The following C8orf34 variants were observed in gnomAD, a reference collection of about 807,000 sequenced individuals.
C8orf34 encodes the protein uncharacterized protein C8orf34.
C8orf34 carries 65 observed loss-of-function variants against 68.3 expected under a neutral mutation model. The ratio of observed to expected loss-of-function variants is 0.95; its 90% CI spans 0.78 to 1.17. The LOEUF (loss-of-function observed/expected upper bound fraction) is 1.17, where lower values mean the gene tolerates loss of function less well. Ranked by LOEUF, C8orf34 falls within the 50% of genes most tolerant of loss-of-function variation. The pLI, the probability that C8orf34 is intolerant of heterozygous loss-of-function variation, is 0.00. For missense variants in C8orf34, 664 were observed against 655.4 expected (o/e 1.01, Z -0.14); for synonymous variants, 244 against 241.2 (o/e 1.01, Z -0.11).
chr8:68,448,354 T>TA (rs201672592), intron 3 of C8orf34, among the ~76,000 whole-genome samples: 7,283 of 152,010 alleles, frequency 0.048, 243 homozygotes, highest in African/African-American at 0.085. Flanking sequence ...TACTTTTTTT[T>TA]AAAAAATAGC....
intron 1 of C8orf34, among the ~76,000 whole-genome samples, chr8:68,356,324 C>G (rs1413688705): frequency 6.6e-6 from 1 of 151,966 alleles, no homozygotes; most frequent in East Asian, 1.9e-4. Flanking sequence ...GTATTGGAGA[C>G]TTCATTTACA....
chr8:68,463,124 A>G (rs557315155), intron 3 of C8orf34, among the ~76,000 whole-genome samples: 1 of 152,288 alleles, frequency 6.6e-6, no homozygotes, highest in African/African-American at 2.4e-5. Context: ...CACTGATCCC[A>G]CAGAAATGCA....
At chr8:68,463,137 C>G (rs1184763749) in intron 3 of C8orf34, among the ~76,000 whole-genome samples, 5 of 152,206 alleles carry the variant, frequency 3.3e-5, no homozygotes, top group Middle Eastern at 3.4e-3. Context: ...GAAATGCAAA[C>G]TACCATGAGA....
Position 68,730,628 on chromosome 8 carries a change from A to C in C8orf34, c.1404+9191A>C, listed in dbSNP as rs114850595. On this transcript the variant is annotated intron_variant, in intron 10 of 13. Transcript: ENST00000518698. ...GGCCTGAGATGATAAAGTGTGATCT[A>C]ATAAATGTTTAAACATTGATTATGG... Among the ~76,000 whole-genome samples the C allele has an allele frequency of 1.0e-2, 1,521 of 152,258 alleles. 25 individuals are homozygous for C. Among genetic ancestry groups the C allele is most frequent in the African/African-American group, 0.033 (1,375 of 41,568 alleles).
At chr8:68,623,410 C>T (rs1378409237) in intron 7 of C8orf34, among the ~76,000 whole-genome samples, 1 of 152,126 alleles carries the variant, frequency 6.6e-6, no homozygotes, top group East Asian at 1.9e-4. Flanking sequence ...GCACTCCCCA[C>T]CCCACCCTCA....
intron 7 of C8orf34, among the ~76,000 whole-genome samples, chr8:68,571,923 T>A (rs1486389120): frequency 6.6e-6 from 1 of 152,108 alleles, no homozygotes; most frequent in Non-Finnish European, 1.5e-5. Context: ...AATGTGTCAT[T>A]AGGTGATCTG....
In C8orf34 at chr8:68,459,710, A is replaced by G. The variant is rs551954478; in HGVS notation, c.608-8982A>G. Among the ~76,000 whole-genome samples, 4 of 152,348 alleles carry G rather than the reference A, an allele frequency of 2.6e-5. No homozygotes were observed. In the South Asian group the frequency reaches 8.3e-4, roughly 32 times the overall value. On this transcript the variant is annotated intron_variant, in intron 3 of 13. Coordinates refer to ENST00000518698, the MANE Select transcript of C8orf34 (RefSeq NM_052958.4). The stretch of plus-strand genomic sequence containing the variant: ...ATATCCAAAAGATACCTGCATTCAC[A>G]TGTCTATTGCAGCACTATTCACAAT...
chr8:68,800,334 A>AT (rs1025431578), intron 12 of C8orf34, among the ~76,000 whole-genome samples: 11 of 152,220 alleles, frequency 7.2e-5, no homozygotes, highest in African/African-American at 2.4e-4. Context: ...CCTGAGACAC[A>AT]TTTTTTGTAC....
rs1820248393 is a variant in C8orf34 at position 68,678,082 on chromosome 8, C to A, written c.1242-30912C>A. Among the ~76,000 whole-genome samples the A allele has an allele frequency of 2.0e-5, 3 of 152,256 alleles. No individual in the cohort carries two copies. The South Asian group carries it at 6.2e-4, about 32-fold the overall frequency. The stretch of plus-strand genomic sequence containing the variant: ...CCAATAGTGAGTAATGAGATTTAAG[C>A]TGTAATAAAAATCTCCTAGCCTGGC... On this transcript the variant is annotated intron_variant, in intron 8 of 13. Transcript: ENST00000518698.
At chr8:68,638,396 C>G (rs1818909779) in intron 7 of C8orf34, among the ~76,000 whole-genome samples, 2 of 150,430 alleles carry the variant, frequency 1.3e-5, no homozygotes, top group Non-Finnish European at 3.0e-5. Flanking sequence ...GATTTATTCT[C>G]TAAAATTTTA....
At chr8:68,707,700 C>T (rs960639668) in intron 8 of C8orf34, among the ~76,000 whole-genome samples, 7 of 152,026 alleles carry the variant, frequency 4.6e-5, no homozygotes, top group Non-Finnish European at 1.0e-4. Context: ...CTTAGCCTCC[C>T]GAAGTGCTGA....
At chr8:68,494,120 G>A (rs1253971711) in intron 5 of C8orf34, among the ~76,000 whole-genome samples, 3 of 152,132 alleles carry the variant, frequency 2.0e-5, no homozygotes, top group South Asian at 2.1e-4. Flanking sequence ...GCAACCCAAT[G>A]TTCACTGACA....
At chr8:68,462,316 A>T (rs576130497) in intron 3 of C8orf34, among the ~76,000 whole-genome samples, 9 of 152,326 alleles carry the variant, frequency 5.9e-5, no homozygotes, top group Admixed American at 2.0e-4. Flanking sequence ...CTACAAAGGG[A>T]CTTAGACTCC....
rs34324718 is a variant in C8orf34 at position 68,488,988 on chromosome 8, G to GTT, written c.765+945_765+946dup. ...AAATTTAAACTGATAACGAATTTAC[G>GTT]TTTTTTTTTAAAATAGCAGTGATTA... On this transcript the variant is annotated intron_variant, in intron 5 of 13. Coordinates refer to ENST00000518698, the MANE Select transcript of C8orf34 (RefSeq NM_052958.4). 2.4e-3 allele frequency among the ~76,000 whole-genome samples: 365 copies of GTT among 149,978 alleles called. 1 individual carries two copies. The highest frequency in any genetic ancestry group is 5.1e-3 in the Admixed American group (77 of 15,096).
chr8:68,443,525 G>C (rs960881939), intron 2 of C8orf34, among the ~76,000 whole-genome samples: 2 of 151,806 alleles, frequency 1.3e-5, no homozygotes, highest in Non-Finnish European at 2.9e-5. Context: ...CACCCAAGTA[G>C]CTGGGACTAC....
intron 7 of C8orf34, among the ~76,000 whole-genome samples, chr8:68,611,087 G>C (rs1436310973): frequency 6.6e-6 from 1 of 151,942 alleles, no homozygotes; most frequent in Non-Finnish European, 1.5e-5. Context: ...GGCTGGTCTC[G>C]AACTCCCGAC....
chr8:68,445,580 G>T (rs1292933454), intron 2 of C8orf34, among the ~76,000 whole-genome samples: 1 of 152,074 alleles, frequency 6.6e-6, no homozygotes, highest in African/African-American at 2.4e-5. Flanking sequence ...AATGTTGGTT[G>T]ATTTAAATTT....
At chr8:68,643,434 T>C (rs1585662391) in intron 8 of C8orf34, among the ~76,000 whole-genome samples, 1 of 152,336 alleles carries the variant, frequency 6.6e-6, no homozygotes, top group Middle Eastern at 3.4e-3. Flanking sequence ...TTGATTAGTG[T>C]CTTAGTCTAT....
At chr8:68,440,138 G>A (rs771094247) in intron 2 of C8orf34, among the ~76,000 whole-genome samples, 9 of 152,126 alleles carry the variant, frequency 5.9e-5, no homozygotes, top group Non-Finnish European at 1.3e-4. Flanking sequence ...AGTTTTTCGA[G>A]TGTATCATAG....
Sources: gnomAD v4.1 joint callset for allele counts (sites outside exome capture counted in the v4.1 genomes callset) on GRCh38, gnomAD v4.1.1 for gene constraint, MANE v1.5 for transcripts, NCBI Gene and HGNC (gene_info 2026-07-23, HGNC 2026-07-21) for gene names.